Variants in CSMD1 observed in about 807,000 individuals in gnomAD.
CSMD1 encodes the protein CUB and sushi domain-containing protein 1.
A neutral mutation model predicts 417.5 loss-of-function variants in CSMD1; 213 were observed. The observed-to-expected ratio is 0.51, with a 90% confidence interval of 0.46 to 0.57. The LOEUF (loss-of-function observed/expected upper bound fraction) is 0.57, where lower values mean the gene tolerates loss of function less well. Among genes scored for constraint, CSMD1 ranks in the 20% least tolerant of loss-of-function variants. The probability of loss-of-function intolerance (pLI) is 0.00; values close to 1 mark genes in which losing one functional copy is unlikely to be tolerated. For missense variants in CSMD1, 6,923 were observed against 4,529.7 expected (o/e 1.53, Z -15.17); for synonymous variants, 2,862 against 1,736.8 (o/e 1.65, Z -16.11).
intron 1 of CSMD1, among the ~76,000 whole-genome samples, chr8:4,737,509 C>A (rs1180239392): frequency 1.3e-5 from 2 of 151,780 alleles, no homozygotes; most frequent in South Asian, 2.1e-4. Context: ...TAAAAAAAAA[C>A]ATAAAACATC....
At chr8:3,121,248 T>C (rs1817187450) in intron 41 of CSMD1, among the ~76,000 whole-genome samples, 1 of 152,302 alleles carries the variant, frequency 6.6e-6, no homozygotes, top group African/African-American at 2.4e-5. Flanking sequence ...AAGCCCTGAC[T>C]ATAGTCAGCA....
intron 3 of CSMD1, among the ~76,000 whole-genome samples, chr8:4,053,358 C>A (rs924262210): frequency 6.6e-6 from 1 of 151,944 alleles, no homozygotes; most frequent in East Asian, 2.0e-4. Flanking sequence ...TACTATTATT[C>A]TAAATTCTCT....
chr8:3,569,224 G>T (rs748350586), intron 10 of CSMD1, among the ~76,000 whole-genome samples: 1 of 152,120 alleles, frequency 6.6e-6, no homozygotes, highest in Non-Finnish European at 1.5e-5. Context: ...AAAAGTTTTA[G>T]ATTTTCTAAC....
chr8:3,051,144 A>T (rs1035953802), intron 50 of CSMD1, among the ~76,000 whole-genome samples: 1 of 152,252 alleles, frequency 6.6e-6, no homozygotes, highest in African/African-American at 2.4e-5. Flanking sequence ...AGACACATGC[A>T]CATGTATGTT....
chr8:4,248,911 T>G (rs190517450), intron 3 of CSMD1, among the ~76,000 whole-genome samples: 1 of 152,170 alleles, frequency 6.6e-6, no homozygotes, highest in African/African-American at 2.4e-5. Context: ...TTAGACCATA[T>G]TGAGAATGCC....
chr8:2,960,412 T>C (rs991186935), intron 62 of CSMD1, among the ~76,000 whole-genome samples: 2 of 152,210 alleles, frequency 1.3e-5, no homozygotes, highest in Non-Finnish European at 2.9e-5. Flanking sequence ...TTTTTTATTC[T>C]TAATTGATGA....
At chr8:3,263,875 G>A (rs963562309) in intron 26 of CSMD1, among the ~76,000 whole-genome samples, 1 of 152,144 alleles carries the variant, frequency 6.6e-6, no homozygotes, top group Non-Finnish European at 1.5e-5. Flanking sequence ...TCTTTGATGT[G>A]TAAAAATAGT....
intron 3 of CSMD1, among the ~76,000 whole-genome samples, chr8:4,297,072 A>T (rs146376299): frequency 2.5e-4 from 25 of 98,954 alleles, no homozygotes; most frequent in African/African-American, 7.9e-4. Context: ...TGGGTTAGAT[A>T]GGTTGAAGAG....
intron 14 of CSMD1, 122 bp downstream of exon 14, chr8:3,407,777 A>G (rs1463682688): frequency 7.1e-6 from 6 of 849,578 alleles, no homozygotes; most frequent in South Asian, 1.9e-5. Flanking sequence ...TGTCATTTTC[A>G]TAATGATTAT....
intron 3 of CSMD1, among the ~76,000 whole-genome samples, chr8:4,191,267 G>T (rs1004653060): frequency 6.6e-6 from 1 of 151,960 alleles, no homozygotes; most frequent in Non-Finnish European, 1.5e-5. Context: ...ATGGTGGCAG[G>T]CACCTGTAGT....
chr8:3,847,299 T>A (rs1394795715), intron 5 of CSMD1, among the ~76,000 whole-genome samples: 1 of 152,076 alleles, frequency 6.6e-6, no homozygotes, highest in African/African-American at 2.4e-5. Context: ...GGCAGTTGAT[T>A]TGGGAGAACC....
rs534569718 is a variant in CSMD1 at position 4,208,956 on chromosome 8, C to G, written c.416-176857G>C. Reference sequence around the variant, plus strand: ...TAAAAACTTGACCCTTTGCAGTACGCAATTTAGAGCTGAAAAACCTACCAG... The same window carrying G: ...TAAAAACTTGACCCTTTGCAGTACGGAATTTAGAGCTGAAAAACCTACCAG... On this transcript the variant is annotated intron_variant, in intron 3 of 69. Transcript: ENST00000635120. Among the ~76,000 whole-genome samples, 3 of 152,196 alleles carry G rather than the reference C, an allele frequency of 2.0e-5. No homozygotes were observed. The South Asian group carries it at 6.2e-4, about 31-fold the overall frequency.
chr8:3,625,227 G>A (rs1383318062), intron 7 of CSMD1, among the ~76,000 whole-genome samples: 1 of 152,092 alleles, frequency 6.6e-6, no homozygotes, highest in Non-Finnish European at 1.5e-5. Context: ...CTTATTATCG[G>A]AGCAACATTA....
chr8:3,935,601 T>C (rs1385315380), intron 5 of CSMD1, among the ~76,000 whole-genome samples: 1 of 152,148 alleles, frequency 6.6e-6, no homozygotes, highest in Admixed American at 6.6e-5. Context: ...TAATTTTTGT[T>C]GTAACTATTG....
At chr8:4,420,429 G>C (rs966773305) in intron 2 of CSMD1, among the ~76,000 whole-genome samples, 1 of 151,842 alleles carries the variant, frequency 6.6e-6, no homozygotes, top group East Asian at 1.9e-4. Flanking sequence ...AGGTTTATTA[G>C]GTAGGTGAAG....
At chr8:3,816,008 T>C (rs539669165) in intron 5 of CSMD1, among the ~76,000 whole-genome samples, 1 of 152,308 alleles carries the variant, frequency 6.6e-6, no homozygotes, top group Non-Finnish European at 1.5e-5. Context: ...AACTTAAAAA[T>C]GGCAGTAAGA....
At chr8:3,272,383 C>G (rs1401763209) in intron 26 of CSMD1, among the ~76,000 whole-genome samples, 2 of 150,774 alleles carry the variant, frequency 1.3e-5, no homozygotes, top group Admixed American at 6.6e-5. Context: ...CAGCTTTGTT[C>G]TTTTGGCTCA....
intron 1 of CSMD1, among the ~76,000 whole-genome samples, chr8:4,768,864 G>T (rs891107695): frequency 6.6e-6 from 1 of 152,180 alleles, no homozygotes; most frequent in African/African-American, 2.4e-5. Flanking sequence ...GCTGAGACAT[G>T]ACTTCCACTT....
intron 26 of CSMD1, among the ~76,000 whole-genome samples, chr8:3,236,067 A>C (rs978420467): frequency 6.6e-6 from 1 of 151,652 alleles, no homozygotes; most frequent in Non-Finnish European, 1.5e-5. Context: ...ACAGGCGCCT[A>C]CCACCACACC....
Sources: allele counts gnomAD v4.1 joint callset (sites outside exome capture counted in the v4.1 genomes callset), GRCh38; gene constraint gnomAD v4.1.1; transcripts MANE v1.5; gene names NCBI Gene and HGNC (gene_info 2026-07-23, HGNC 2026-07-21).